CLASP1: variants seen among roughly 807,000 people sequenced by gnomAD.
CLASP1 encodes the protein CLIP-associating protein 1.
CLASP1 carries 38 observed loss-of-function variants against 192.3 expected under a neutral mutation model. The observed-to-expected ratio is 0.20, with a 90% CI of 0.15 to 0.26. The LOEUF (loss-of-function observed/expected upper bound fraction) is 0.26, where lower values mean the gene tolerates loss of function less well. CLASP1 is among the 10% of genes least tolerant of loss of function. The pLI, the probability that CLASP1 is intolerant of heterozygous loss-of-function variation, is 1.00. For missense variants in CLASP1, 1,433 were observed against 1,932.5 expected (o/e 0.74, Z 4.85); for synonymous variants, 691 against 712.8 (o/e 0.97, Z 0.49).
intron 8 of CLASP1, among the ~76,000 whole-genome samples, chr2:121,489,850 T>C (rs925230618): frequency 3.3e-5 from 5 of 152,210 alleles, no homozygotes; most frequent in Non-Finnish European, 7.3e-5. Context: ...CATTTATGCT[T>C]TTCCTCTATA....
chr2:121,427,687 T>C (rs1373081721), intron 20 of CLASP1, among the ~76,000 whole-genome samples: 1 of 152,242 alleles, frequency 6.6e-6, no homozygotes, highest in South Asian at 2.1e-4. Flanking sequence ...ATCTGCTTTC[T>C]AGCTTTAAGC....
chr2:121,454,098 G>A (rs13403769), intron 14 of CLASP1, among the ~76,000 whole-genome samples: 1 of 152,086 alleles, frequency 6.6e-6, no homozygotes, highest in East Asian at 1.9e-4. Context: ...CTCATATTTA[G>A]TGCCAAAGGC....
At chr2:121,495,167 A>G (rs1242590411) in intron 8 of CLASP1, among the ~76,000 whole-genome samples, 2 of 151,914 alleles carry the variant, frequency 1.3e-5, no homozygotes, top group East Asian at 1.9e-4. Context: ...CTAAAAATAC[A>G]AACAAATTAG....
intron 1 of CLASP1, among the ~76,000 whole-genome samples, chr2:121,643,758 G>C (rs2072598465): frequency 6.6e-6 from 1 of 152,082 alleles, no homozygotes; most frequent in Non-Finnish European, 1.5e-5. Flanking sequence ...AATCTTTTAG[G>C]AACATCTATT....
chr2:121,518,474 G>A (rs745574672), intron 6 of CLASP1, among the ~76,000 whole-genome samples: 3 of 152,098 alleles, frequency 2.0e-5, no homozygotes, highest in Non-Finnish European at 2.9e-5. Flanking sequence ...TAACTCACTC[G>A]GTCTACAGCA....
At chr2:121,549,054 G>A (rs534622144) in intron 2 of CLASP1, among the ~76,000 whole-genome samples, 1 of 152,246 alleles carries the variant, frequency 6.6e-6, no homozygotes, top group Admixed American at 6.5e-5. Flanking sequence ...AACCAGCTAA[G>A]AACACAATGA....
At chr2:121,445,525 T>C (rs2084163287) in intron 19 of CLASP1, 2 of 1,255,200 alleles carry the variant, frequency 1.6e-6, no homozygotes, top group Non-Finnish European at 1.0e-6. Flanking sequence ...ATCATCAGCT[T>C]TAATGCTACA....
At chr2:121,457,714 C>G in exon 14 of CLASP1, 1 of 1,613,224 alleles carries the variant, frequency 6.2e-7, no homozygotes, top group South Asian at 1.1e-5. Context: ...CTTAGAGGTA[C>G]AGTTGCTTGT....
intron 1 of CLASP1, among the ~76,000 whole-genome samples, chr2:121,634,058 A>G (rs2070338006): frequency 6.6e-6 from 1 of 151,634 alleles, no homozygotes; most frequent in Non-Finnish European, 1.5e-5. Context: ...CCTGGTTCAC[A>G]GCCTCACATC....
chr2:121,538,367 G>A (rs2104955781), intron 2 of CLASP1, among the ~76,000 whole-genome samples: 1 of 152,024 alleles, frequency 6.6e-6, no homozygotes, highest in Non-Finnish European at 1.5e-5. Flanking sequence ...ACCCAAGATT[G>A]CGCCATTGTA....
rs942363087 is a variant in CLASP1 at position 121,531,009 on chromosome 2, T to G, written c.196-684A>C. ...TATTTTGGTGCAATTTTTGGAAAAA[T>G]GAAAACCTGTTTTCATAGACTTATC... is the stretch of plus-strand genomic sequence containing the variant. On this transcript the variant is annotated intron_variant, in intron 2 of 39. Transcript: ENST00000263710. The G allele has an allele frequency of 6.1e-5, 43 of 700,042 alleles. No homozygotes were observed. Among genetic ancestry groups the G allele is most frequent in the Non-Finnish European group, 8.1e-5 (31 of 384,730 alleles). The allele number at this position is 700,042 out of a possible 1,614,324, so 43.4% of individuals were successfully genotyped here. A position where few individuals can be genotyped will look rare whatever the true frequency, so the allele number is the denominator to read the frequency against.
At chr2:121,452,105 C>T (rs371173312) in intron 14 of CLASP1, among the ~76,000 whole-genome samples, 2 of 152,278 alleles carry the variant, frequency 1.3e-5, no homozygotes, top group South Asian at 4.1e-4. Flanking sequence ...CAGAAGCTTG[C>T]ACTTCATGGC....
chr2:121,603,322 A>C (rs2064019625), intron 2 of CLASP1, among the ~76,000 whole-genome samples: 1 of 152,178 alleles, frequency 6.6e-6, no homozygotes, highest in Non-Finnish European at 1.5e-5. Flanking sequence ...TATATGAAAA[A>C]ATGTTCGACA....
intron 37 of CLASP1, among the ~76,000 whole-genome samples, chr2:121,350,685 T>C (rs528465021): frequency 6.6e-6 from 1 of 152,326 alleles, no homozygotes; most frequent in African/African-American, 2.4e-5. Flanking sequence ...TCATTAACAA[T>C]GGACACGTTT....
At chr2:121,531,035 AGTTCAAACAGCAG>A (rs1559536243) in intron 2 of CLASP1, 3 of 699,226 alleles carry the variant, frequency 4.3e-6, no homozygotes, top group Non-Finnish European at 7.8e-6. Context: ...TAGACTTATC[AGTTCAAACAGCAG>A]TAATTCGTAA....
At chr2:121,448,188 G>T in intron 18 of CLASP1, 88 bp downstream of exon 18, 2 of 1,115,324 alleles carry the variant, frequency 1.8e-6, no homozygotes, top group Non-Finnish European at 2.7e-6. Flanking sequence ...GCAGGCCGTT[G>T]GCCTCCTGTG....
chr2:121,453,018 G>A (rs2085837104), intron 14 of CLASP1, among the ~76,000 whole-genome samples: 2 of 152,112 alleles, frequency 1.3e-5, no homozygotes, highest in East Asian at 1.9e-4. Flanking sequence ...TGGGAGCAGC[G>A]GCTCACGCCT....
intron 1 of CLASP1, among the ~76,000 whole-genome samples, chr2:121,613,458 AG>A (rs2065936436): frequency 6.6e-6 from 1 of 152,228 alleles, no homozygotes; most frequent in Non-Finnish European, 1.5e-5. Flanking sequence ...TTCAACAAGA[AG>A]GAAGGAACAC....
chr2:121,545,082 T>C (rs2095305664), intron 2 of CLASP1, among the ~76,000 whole-genome samples: 1 of 152,068 alleles, frequency 6.6e-6, no homozygotes, highest in Non-Finnish European at 1.5e-5. Context: ...CAGCTAATTT[T>C]TGTATTTTTA....
Sources: gnomAD v4.1 joint callset for allele counts (sites outside exome capture counted in the v4.1 genomes callset) on GRCh38, gnomAD v4.1.1 for gene constraint, MANE v1.5 for transcripts, NCBI Gene and HGNC (gene_info 2026-07-23, HGNC 2026-07-21) for gene names.